The following TECPR2 variants were observed in gnomAD, a reference collection of about 807,000 sequenced individuals.
TECPR2 encodes the protein tectonin beta-propeller repeat-containing protein 2.
TECPR2 carries 65 observed loss-of-function variants against 138.1 expected under a neutral mutation model. That is an observed-to-expected ratio of 0.47 (90% CI 0.39 to 0.58). The LOEUF is 0.58. TECPR2 is among the 20% of genes least tolerant of loss of function. The pLI, the probability that TECPR2 is intolerant of heterozygous loss-of-function variation, is 0.00. For missense variants in TECPR2, 1,553 were observed against 1,824.5 expected, an observed-to-expected ratio of 0.85 and a Z score of 2.71; for synonymous variants, 746 against 749.8, an observed-to-expected ratio of 0.99 and a Z score of 0.08.
intron 17 of TECPR2, among the ~76,000 whole-genome samples, chr14:102,483,138 A>G (rs1595147174): frequency 6.6e-6 from 1 of 151,802 alleles, no homozygotes; most frequent in Non-Finnish European, 1.5e-5. Context: ...GGCGTGAGCC[A>G]CCTCGCCCGG....
At chr14:102,486,160 C>T (rs965117730) in intron 17 of TECPR2, among the ~76,000 whole-genome samples, 2 of 152,204 alleles carry the variant, frequency 1.3e-5, no homozygotes, top group Non-Finnish European at 2.9e-5. Context: ...GGAGTCAGTG[C>T]AGAAGGACCC....
In TECPR2 at chr14:102,440,607, C is replaced by T; in HGVS notation, c.2750C>T (p.Thr917Ile). 6.2e-7 allele frequency: 1 copy of T among 1,612,904 alleles called. No homozygotes were observed. Among genetic ancestry groups the T allele is most frequent in the East Asian group, 2.2e-5 (1 of 44,842 alleles). The change falls in exon 11 of 20, where the codon ACA (threonine) becomes ATA (isoleucine). Residue 917 changes from threonine to isoleucine, a missense_variant and splice_region_variant. Transcript: ENST00000359520. The part of the protein sequence containing the change: ...IRTSGDLYLQ[T>I]GLSVDRPCAR... ...ACCAGTGGGGACCTATACTTGCAGACAGGTAACCGCGGGCCACGCTTAGAG... is the reference window on the plus strand; with the variant it reads ...ACCAGTGGGGACCTATACTTGCAGATAGGTAACCGCGGGCCACGCTTAGAG...
intron 17 of TECPR2, among the ~76,000 whole-genome samples, chr14:102,483,792 T>TTTTC (rs1890950756): frequency 3.3e-4 from 3 of 9,194 alleles, no homozygotes; most frequent in African/African-American, 9.0e-4. Flanking sequence ...TTTCCTTTTC[T>TTTTC]TTTTTTTTTT....
chr14:102,392,664 A>G (rs1392635754), intron 2 of TECPR2, among the ~76,000 whole-genome samples: 2 of 152,110 alleles, frequency 1.3e-5, no homozygotes, highest in African/African-American at 4.8e-5. Context: ...TGACTCATTC[A>G]TGGGCCTGCT....
intron 2 of TECPR2, among the ~76,000 whole-genome samples, chr14:102,405,105 T>A (rs1888622492): frequency 6.6e-6 from 1 of 151,882 alleles, no homozygotes; most frequent in African/African-American, 2.4e-5. Flanking sequence ...GCCAGGAGTT[T>A]GAGACTAGCG....
chr14:102,371,179 G>T (rs933480913), intron 1 of TECPR2, among the ~76,000 whole-genome samples: 1 of 152,102 alleles, frequency 6.6e-6, no homozygotes, highest in Non-Finnish European at 1.5e-5. Context: ...GTGGAAAGAG[G>T]GTCAGTTCTG....
chr14:102,382,456 T>A (rs1248628307), intron 2 of TECPR2, among the ~76,000 whole-genome samples: 1 of 152,158 alleles, frequency 6.6e-6, no homozygotes, highest in Admixed American at 6.5e-5. Context: ...AATGGACAAA[T>A]CTGCAATTAC....
chr14:102,488,971 T>C (rs983353107), intron 17 of TECPR2, among the ~76,000 whole-genome samples: 2 of 150,742 alleles, frequency 1.3e-5, no homozygotes, highest in African/African-American at 4.9e-5. Context: ...AACCTCTGCC[T>C]CCCCAGGTTC....
Position 102,434,681 on chromosome 14 carries a change from C to G in TECPR2, c.1864C>G (p.Pro622Ala), listed in dbSNP as rs1315266600. Residue 622 changes from proline (P) to alanine (A), a missense_variant, in exon 9 of 20, where the codon CCT (proline) becomes GCT (alanine). Coordinates refer to ENST00000359520, the MANE Select transcript of TECPR2 (RefSeq NM_014844.5). ...ACCCTTCCAAGAACAGGACAGCTCT[C>G]CTGGGGCGCATGATGGGGAAGACAT... The part of the protein sequence containing the change: ...QLPFQEQDSS[P>A]GAHDGEDIQP... The G allele has an allele frequency of 1.9e-6, 3 of 1,612,928 alleles. No homozygotes were observed. The highest frequency in any genetic ancestry group is 1.7e-6 in the Non-Finnish European group (2 of 1,179,382).
chr14:102,499,069 C>T lies in TECPR2; in HGVS notation c.*812C>T, dbSNP rs775070913. Reference sequence around the variant, plus strand: ...CACACCACACCTCACTGCCCACACACGGCGCAGGCTGCCCGCCTCCTGGAG... The same window carrying T: ...CACACCACACCTCACTGCCCACACATGGCGCAGGCTGCCCGCCTCCTGGAG... On this transcript the variant is annotated 3_prime_UTR_variant, in exon 20 of 20. Coordinates refer to ENST00000359520, the MANE Select transcript of TECPR2 (RefSeq NM_014844.5). 27 of 702,576 alleles carry T rather than the reference C, an allele frequency of 3.8e-5. No individual in the cohort carries two copies. The highest frequency in any genetic ancestry group is 2.2e-4 in the South Asian group (15 of 67,568). The allele number at this position is 702,576 out of a possible 1,614,324, so 43.5% of individuals were successfully genotyped here.
Position 102,499,801 on chromosome 14 carries a change from C to T in TECPR2, c.*1544C>T, listed in dbSNP as rs768573142. ...CCTTGGTGTCAGGGAGCCCCCAGGC[C>T]GCAGGTGGAGGGTGATAAAATATGT... On this transcript the variant is annotated 3_prime_UTR_variant, in exon 20 of 20. Transcript: ENST00000359520. The T allele has an allele frequency of 1.0e-4, 16 of 156,070 alleles. No homozygotes were observed. The highest frequency in any genetic ancestry group is 3.4e-3 in the Middle Eastern group (1 of 298). 9.7% of individuals were successfully genotyped at this position (156,070 alleles called of 1,614,324 possible). A position where few individuals can be genotyped will look rare whatever the true frequency, so the allele number is the denominator to read the frequency against.
At chr14:102,453,661 A>G (rs1001017596) in intron 16 of TECPR2, among the ~76,000 whole-genome samples, 1 of 152,164 alleles carries the variant, frequency 6.6e-6, no homozygotes, top group Non-Finnish European at 1.5e-5. Flanking sequence ...GATGGCCCCC[A>G]GGGCCCGGAT....
chr14:102,478,781 C>T (rs896965048), intron 17 of TECPR2, among the ~76,000 whole-genome samples: 5 of 151,918 alleles, frequency 3.3e-5, no homozygotes, highest in African/African-American at 4.8e-5. Context: ...TATGGGAGGC[C>T]GAGGCAGGTG....
intron 7 of TECPR2, 117 bp downstream of exon 7, chr14:102,428,499 G>A (rs1262625338): frequency 8.8e-6 from 13 of 1,483,042 alleles, no homozygotes; most frequent in Admixed American, 6.6e-5. Context: ...GGTGGCTCAC[G>A]CCTGTAATCC....
At chr14:102,375,113 A>G (rs1231565441) in intron 1 of TECPR2, among the ~76,000 whole-genome samples, 1 of 152,178 alleles carries the variant, frequency 6.6e-6, no homozygotes, top group Non-Finnish European at 1.5e-5. Context: ...TCTTGAGCCC[A>G]GGAGCTTGAG....
intron 4 of TECPR2, among the ~76,000 whole-genome samples, chr14:102,411,307 A>T (rs1888849191): frequency 6.6e-6 from 1 of 151,838 alleles, no homozygotes; most frequent in Non-Finnish European, 1.5e-5. Flanking sequence ...CTCTGAGCCC[A>T]AGCCAAGCCA....
At chr14:102,408,710 T>C in intron 4 of TECPR2, 91 bp downstream of exon 4, 1 of 1,303,892 alleles carries the variant, frequency 7.7e-7, no homozygotes, top group Admixed American at 2.5e-5. Context: ...CAACTTGTAT[T>C]CTTGATCATC....
chr14:102,480,207 G>T (rs1890856568), intron 17 of TECPR2, among the ~76,000 whole-genome samples: 2 of 100,928 alleles, frequency 2.0e-5, no homozygotes, highest in South Asian at 3.7e-4. Context: ...AGGCATCTTG[G>T]TTGGTTTTTT....
chr14:102,391,309 C>G (rs1888166195), intron 2 of TECPR2, among the ~76,000 whole-genome samples: 1 of 152,218 alleles, frequency 6.6e-6, no homozygotes. Flanking sequence ...ATCCGCCCAC[C>G]TCGGCCTCCC....
Sources: allele counts gnomAD v4.1 joint callset (sites outside exome capture counted in the v4.1 genomes callset), GRCh38; gene constraint gnomAD v4.1.1; transcripts MANE v1.5; gene names NCBI Gene and HGNC (gene_info 2026-07-23, HGNC 2026-07-21).